Variants in VPS13D observed in about 807,000 individuals in gnomAD.
VPS13D encodes the protein vacuolar protein sorting 13 homolog D.
A neutral mutation model predicts 461.9 loss-of-function variants in VPS13D; 187 were observed. The observed-to-expected ratio is 0.40, with a 90% CI of 0.36 to 0.46. The LOEUF (loss-of-function observed/expected upper bound fraction) is 0.46. Ranked by LOEUF, VPS13D falls within the 20% of genes least tolerant of loss-of-function variation. VPS13D has a pLI of 0.60. For missense variants in VPS13D, 4,711 were observed against 5,364.9 expected (o/e 0.88, Z 3.81); for synonymous variants, 1,951 against 1,986.3 (o/e 0.98, Z 0.47).
At chr1:12,372,449 C>T (rs879224624) in intron 54 of VPS13D, among the ~76,000 whole-genome samples, 6 of 152,058 alleles carry the variant, frequency 3.9e-5, no homozygotes, top group African/African-American at 1.4e-4. Flanking sequence ...TGATTTGCAT[C>T]CTTAGTAACT....
At chr1:12,412,158 T>G (rs1363868878) in intron 63 of VPS13D, among the ~76,000 whole-genome samples, 2 of 152,102 alleles carry the variant, frequency 1.3e-5, no homozygotes, top group Non-Finnish European at 1.5e-5. Context: ...TTGTGAAAAA[T>G]TAAAGACCCA....
At chr1:12,246,350 A>G (rs1640551135) in intron 5 of VPS13D, among the ~76,000 whole-genome samples, 1 of 152,198 alleles carries the variant, frequency 6.6e-6, no homozygotes, top group South Asian at 2.1e-4. Flanking sequence ...AGTATCCCAA[A>G]TCTGAAAATC....
rs774384819 is a variant in VPS13D, at chr1:12,299,273, C to A, written c.6105C>A (p.Ile2035=). The A allele has an allele frequency of 3.7e-6, 6 of 1,613,806 alleles. No homozygotes were observed. The South Asian group carries it at 5.5e-5, about 15-fold the overall frequency. The change falls in exon 25 of 70, where the codon ATC becomes ATA. Residue 2035 remains isoleucine (I), a synonymous_variant. Coordinates refer to ENST00000620676, the MANE Select transcript of VPS13D (RefSeq NM_015378.4). This position sits in a 1 kb window ranked among gnomAD's most constrained non-coding sequence, Gnocchi z 4.2. ...DIEAGAPVLL[I]PESSRSNNLI... ...AGGCTGGTGCTCCCGTTCTCTTGAT[C>A]CCAGAAAGTTCCAGATCAAATAATC...
At chr1:12,399,181 C>A (rs1218374264) in intron 60 of VPS13D, among the ~76,000 whole-genome samples, 2 of 150,624 alleles carry the variant, frequency 1.3e-5, no homozygotes, top group Non-Finnish European at 3.0e-5. Context: ...TAAAAAATTA[C>A]TTTTTTCAAA....
chr1:12,332,561 T>C (rs1359172336), intron 37 of VPS13D, among the ~76,000 whole-genome samples: 1 of 152,190 alleles, frequency 6.6e-6, no homozygotes, highest in East Asian at 1.9e-4. Flanking sequence ...GGTAAAATTA[T>C]AAAGAAGAGC....
chr1:12,245,742 T>A (rs979121472), intron 5 of VPS13D, among the ~76,000 whole-genome samples: 23 of 151,370 alleles, frequency 1.5e-4, no homozygotes, highest in African/African-American at 3.4e-4. Context: ...AAAAAAAAAA[T>A]AATAATTTAA....
chr1:12,503,139 T>C (rs1435381338), intron 68 of VPS13D, among the ~76,000 whole-genome samples: 2 of 152,158 alleles, frequency 1.3e-5, no homozygotes, highest in East Asian at 3.8e-4. Flanking sequence ...TCATGGTTTA[T>C]GGATGACATT....
intron 43 of VPS13D, among the ~76,000 whole-genome samples, chr1:12,346,362 A>G (rs142738048): frequency 1.8e-4 from 27 of 152,308 alleles, no homozygotes; most frequent in African/African-American, 5.5e-4. Flanking sequence ...CAGTTCCCTC[A>G]TAGGTACCTT....
intron 67 of VPS13D, among the ~76,000 whole-genome samples, chr1:12,494,640 C>T (rs1304688242): frequency 1.3e-5 from 2 of 152,132 alleles, no homozygotes; most frequent in Non-Finnish European, 2.9e-5. Flanking sequence ...GCATGTTTTC[C>T]CTCAGCTTTG....
chr1:12,329,943 T>A, intron 37 of VPS13D, 25 bp downstream of exon 37: 2 of 1,580,348 alleles, frequency 1.3e-6, no homozygotes, highest in Non-Finnish European at 1.7e-6. Flanking sequence ...TATGTTATCA[T>A]GGGATTTAAA....
chr1:12,257,142 G>T, intron 9 of VPS13D, 55 bp downstream of exon 9: 1 of 1,497,084 alleles, frequency 6.7e-7, no homozygotes, highest in Non-Finnish European at 9.3e-7. Flanking sequence ...TTCTTGCTAT[G>T]TACATAGATC....
At chr1:12,414,058 C>T (rs950022361) in intron 63 of VPS13D, among the ~76,000 whole-genome samples, 2 of 152,162 alleles carry the variant, frequency 1.3e-5, no homozygotes, top group Admixed American at 6.5e-5. Flanking sequence ...CCAAGGCAGG[C>T]GGATTGCTTG....
At chr1:12,478,960 G>T in intron 67 of VPS13D, 1 of 451,132 alleles carries the variant, frequency 2.2e-6, no homozygotes, top group Admixed American at 2.4e-5. Context: ...GCTGTTAATA[G>T]CCTTGCTTTC....
At chr1:12,458,835 C>T (rs1645365697) in intron 66 of VPS13D, among the ~76,000 whole-genome samples, 2 of 152,358 alleles carry the variant, frequency 1.3e-5, no homozygotes, top group African/African-American at 4.8e-5. Flanking sequence ...TCTTCAGCCT[C>T]TGCCAGCTTC....
chr1:12,358,321 A>G lies in VPS13D; in HGVS notation c.9999-138A>G. The G allele has an allele frequency of 3.4e-6, 4 of 1,175,348 alleles. No homozygotes were observed. The South Asian group carries it at 4.7e-5, about 14-fold the overall frequency. 72.8% of individuals were successfully genotyped at this position (1,175,348 alleles called of 1,614,324 possible). A position where few individuals can be genotyped will look rare whatever the true frequency, so the allele number is the denominator to read the frequency against. ...ATGAATTTTGTCACTGTGCTAGGGA[A>G]TCACATGAGAGTGAGGAAGAGAGTC... On this transcript the variant is annotated intron_variant, in intron 49 of 69. Transcript: ENST00000620676.
Position 12,342,972 on chromosome 1 carries a change from A to C in VPS13D, c.8806A>C (p.Asn2936His). The C allele has an allele frequency of 1.2e-6, 2 of 1,614,026 alleles. No individual in the cohort carries two copies. The highest frequency in any genetic ancestry group is 1.7e-6 in the Non-Finnish European group (2 of 1,179,892). ...GNGTFLDDTH[N>H]VSEWREVLTG... ...CGGAACATTTCTCGATGATACTCAC[A>C]ATGTTAGTGAATGGCGAGAAGTCCT... Residue 2936 changes from asparagine to histidine, a missense_variant, in exon 42 of 70, where the codon AAT becomes CAT. Coordinates refer to ENST00000620676, the MANE Select transcript of VPS13D (RefSeq NM_015378.4).
At chr1:12,483,943 A>G (rs995000400) in intron 67 of VPS13D, among the ~76,000 whole-genome samples, 1 of 151,736 alleles carries the variant, frequency 6.6e-6, no homozygotes, top group African/African-American at 2.4e-5. Flanking sequence ...GGTTGCAGTG[A>G]GCCGAGATGG....
At position 12,490,879 on chromosome 1, in the gene VPS13D, G is replaced by T. The variant is rs183247200; in HGVS notation, c.12663-6621G>T. Among the ~76,000 whole-genome samples, 7 of 152,360 alleles carry T rather than the reference G, an allele frequency of 4.6e-5. No individual in the cohort carries two copies. The East Asian group carries it at 1.3e-3, about 29-fold the overall frequency. ...CAAGACAGATGCAGCCCACGGCATG[G>T]TGGGCTTCTTGGGCTTGCAGACATT... On this transcript the variant is annotated intron_variant, in intron 67 of 69. Transcript: ENST00000620676.
intron 67 of VPS13D, among the ~76,000 whole-genome samples, chr1:12,479,307 T>C (rs1257866465): frequency 6.6e-6 from 1 of 152,218 alleles, no homozygotes; most frequent in Non-Finnish European, 1.5e-5. Flanking sequence ...CCAGTCACGT[T>C]CTTTGGCCAA....
Sources: allele counts gnomAD v4.1 joint callset (sites outside exome capture counted in the v4.1 genomes callset), GRCh38; gene constraint gnomAD v4.1.1; non-coding constraint Gnocchi (gnomAD v3.1); transcripts MANE v1.5; gene names NCBI Gene and HGNC (gene_info 2026-07-23, HGNC 2026-07-21).